DAB1: variants seen among roughly 807,000 people sequenced by gnomAD.
DAB1 encodes disabled homolog 1.
In DAB1, 15 loss-of-function variants were observed where a neutral mutation model predicts 64.6. The ratio of observed to expected loss-of-function variants is 0.23; its 90% CI spans 0.16 to 0.36. The LOEUF is 0.36. DAB1 is among the 10% of genes least tolerant of loss of function. The probability of loss-of-function intolerance (pLI) is 1.00; values close to 1 mark genes in which losing one functional copy is unlikely to be tolerated. For synonymous variants in DAB1, 235 were observed against 251.9 expected (o/e 0.93, Z 0.64); for missense variants, 596 against 706.7 (o/e 0.84, Z 1.78).
At chr1:57,018,284 T>TAAA (rs1646498768) in intron 11 of DAB1, among the ~76,000 whole-genome samples, 1 of 152,164 alleles carries the variant, frequency 6.6e-6, no homozygotes, top group South Asian at 2.1e-4. Flanking sequence ...CATGGTGGTG[T>TAAA]AGCCACATGA....
chr1:57,863,645 G>A (rs80299055), intron 1 of DAB1, among the ~76,000 whole-genome samples: 2,947 of 152,220 alleles, frequency 0.019, 80 homozygotes, highest in East Asian at 0.13. Context: ...CCCAATCTGG[G>A]AAGGCTACGG....
At chr1:58,454,015 C>A (rs960663611) in intron 3 of DAB1, among the ~76,000 whole-genome samples, 1 of 152,074 alleles carries the variant, frequency 6.6e-6, no homozygotes, top group Non-Finnish European at 1.5e-5. Flanking sequence ...ACATCACCTC[C>A]GTGCTACACA....
intron 1 of DAB1, among the ~76,000 whole-genome samples, chr1:57,357,081 G>T (rs192995642): frequency 3.3e-5 from 5 of 151,994 alleles, no homozygotes. Flanking sequence ...CACAGTACAT[G>T]TTCAACACAT....
At chr1:57,027,954 T>C (rs1051324902) in intron 9 of DAB1, among the ~76,000 whole-genome samples, 1 of 152,190 alleles carries the variant, frequency 6.6e-6, no homozygotes, top group Non-Finnish European at 1.5e-5. Context: ...ATGCCAACTC[T>C]CAGCCTGCAG....
chr1:57,601,525 G>A (rs941856979), intron 7 of DAB1, among the ~76,000 whole-genome samples: 3 of 152,086 alleles, frequency 2.0e-5, no homozygotes, highest in Non-Finnish European at 4.4e-5. Flanking sequence ...CTGAGATTGC[G>A]CCTCCAGACT....
rs1009018742 is a variant in DAB1, at chr1:56,996,493, A to C, written c.*1651T>G. The C allele has an allele frequency of 2.6e-5, 4 of 152,226 alleles. No individual in the cohort carries two copies. The highest frequency in any genetic ancestry group is 9.6e-5 in the African/African-American group (4 of 41,456). 9.4% of individuals were successfully genotyped at this position (152,226 alleles called of 1,614,324 possible). On this transcript the variant is annotated 3_prime_UTR_variant, in exon 15 of 15. Transcript: ENST00000371236. The stretch of plus-strand genomic sequence containing the variant: ...GCACTTTTTGTCTCATAAGTGTAAA[A>C]AAAGGAAGCTTAGCCTCTTCTGTTT...
At chr1:58,499,509 A>G (rs1740337) in intron 3 of DAB1, among the ~76,000 whole-genome samples, 3,466 of 42,856 alleles carry the variant, frequency 0.081, 57 homozygotes, top group African/African-American at 0.13. Context: ...TAGATAGATA[A>G]ATAGATAGAT....
intron 7 of DAB1, among the ~76,000 whole-genome samples, chr1:57,577,086 C>T (rs531223735): frequency 1.6e-4 from 24 of 152,326 alleles, no homozygotes; most frequent in Non-Finnish European, 3.4e-4. Context: ...CAAATGGATG[C>T]TGCAGCTGGA....
At chr1:57,750,147 A>T (rs1431702134) in intron 6 of DAB1, among the ~76,000 whole-genome samples, 2 of 152,064 alleles carry the variant, frequency 1.3e-5, no homozygotes, top group Non-Finnish European at 1.5e-5. Flanking sequence ...CTGGAAATGG[A>T]TCTTTTCCTG....
intron 3 of DAB1, among the ~76,000 whole-genome samples, chr1:58,432,277 T>A (rs1185650689): frequency 1.3e-5 from 2 of 152,368 alleles, no homozygotes; most frequent in South Asian, 2.1e-4. Flanking sequence ...ATTATTTTTC[T>A]TAATGGCATT....
chr1:57,153,939 G>A (rs528145354), intron 2 of DAB1, among the ~76,000 whole-genome samples: 3 of 152,206 alleles, frequency 2.0e-5, no homozygotes, highest in East Asian at 3.9e-4. Flanking sequence ...ACCCCTGGCC[G>A]GTGTATGTAT....
At chr1:58,479,419 C>G (rs1245390716) in intron 3 of DAB1, among the ~76,000 whole-genome samples, 1 of 152,162 alleles carries the variant, frequency 6.6e-6, no homozygotes, top group East Asian at 1.9e-4. Flanking sequence ...TAAACAGCCT[C>G]TGAACTTATC....
chr1:57,252,989 G>A (rs929826717), intron 2 of DAB1, among the ~76,000 whole-genome samples: 6 of 152,162 alleles, frequency 3.9e-5, no homozygotes, highest in African/African-American at 1.4e-4. Context: ...TCCATACAAC[G>A]GAGACACCCT....
intron 7 of DAB1, among the ~76,000 whole-genome samples, chr1:57,601,032 T>C (rs2101585306): frequency 6.6e-6 from 1 of 152,288 alleles, no homozygotes; most frequent in Non-Finnish European, 1.5e-5. Context: ...AAATGATGCC[T>C]AGTGCTATTT....
intron 7 of DAB1, among the ~76,000 whole-genome samples, chr1:57,560,471 T>A (rs900734136): frequency 6.6e-6 from 1 of 152,180 alleles, no homozygotes; most frequent in East Asian, 1.9e-4. Context: ...GTTGAGATAT[T>A]ATTTCTAAGG....
At chr1:57,447,662 C>T (rs1484810088) in intron 7 of DAB1, among the ~76,000 whole-genome samples, 1 of 152,158 alleles carries the variant, frequency 6.6e-6, no homozygotes, top group Non-Finnish European at 1.5e-5. Flanking sequence ...TGTTTCAAAT[C>T]GTATAATGGC....
At chr1:57,655,018 C>T (rs1017673350) in intron 6 of DAB1, among the ~76,000 whole-genome samples, 1 of 152,196 alleles carries the variant, frequency 6.6e-6, no homozygotes, top group Non-Finnish European at 1.5e-5. Flanking sequence ...CATTTCTACT[C>T]TGAAATAATG....
At chr1:57,071,477 T>C (rs749645273) in intron 6 of DAB1, 45 bp downstream of exon 6, 5 of 1,587,534 alleles carry the variant, frequency 3.1e-6, no homozygotes. Context: ...CATGTGTTTA[T>C]TTGAAGGCCC....
chr1:58,470,711 C>T (rs918404732), intron 3 of DAB1, among the ~76,000 whole-genome samples: 6 of 152,176 alleles, frequency 3.9e-5, no homozygotes, highest in East Asian at 1.9e-4. Flanking sequence ...GCATCTCGCA[C>T]GCAGTCCGTC....
Sources: allele counts gnomAD v4.1 joint callset (sites outside exome capture counted in the v4.1 genomes callset), GRCh38; gene constraint gnomAD v4.1.1; transcripts MANE v1.5; gene names NCBI Gene and HGNC (gene_info 2026-07-23, HGNC 2026-07-21).